Variants in CSMD1 observed in about 807,000 individuals in gnomAD.
The protein encoded by CSMD1 is CUB and sushi domain-containing protein 1.
Under a neutral mutation model 417.5 loss-of-function variants are expected in CSMD1, and 213 were observed. That is an observed-to-expected ratio of 0.51 (90% CI 0.46 to 0.57). CSMD1 has a LOEUF of 0.57. CSMD1 is among the 20% of genes least tolerant of loss of function. The pLI is 0.00. For missense variants in CSMD1, 6,923 were observed against 4,529.7 expected (o/e 1.53, Z -15.17); for synonymous variants, 2,862 against 1,736.8 (o/e 1.65, Z -16.11).
intron 21 of CSMD1, among the ~76,000 whole-genome samples, chr8:3,356,817 T>G (rs1170003888): frequency 6.6e-6 from 1 of 152,178 alleles, no homozygotes; most frequent in African/African-American, 2.4e-5. Context: ...GAGCACTGGG[T>G]GCACTCTGGA....
intron 65 of CSMD1, among the ~76,000 whole-genome samples, chr8:2,953,467 AAC>A (rs1259649646): frequency 6.6e-6 from 1 of 151,918 alleles, no homozygotes; most frequent in East Asian, 1.9e-4. Context: ...AAAAAAAAAA[AAC>A]AGTGTTAAAA....
chr8:4,130,572 C>G (rs1803037986), intron 3 of CSMD1, among the ~76,000 whole-genome samples: 1 of 152,028 alleles, frequency 6.6e-6, no homozygotes, highest in Admixed American at 6.6e-5. Context: ...TACCACTGAC[C>G]TTATGTTTTC....
chr8:3,678,122 G>C (rs555440707), intron 7 of CSMD1, among the ~76,000 whole-genome samples: 2 of 152,134 alleles, frequency 1.3e-5, no homozygotes, highest in Non-Finnish European at 2.9e-5. Context: ...CAGAAGACAG[G>C]TGATTTCTGC....
At chr8:3,310,382 C>G (rs1285153203) in intron 23 of CSMD1, among the ~76,000 whole-genome samples, 3 of 152,170 alleles carry the variant, frequency 2.0e-5, no homozygotes, top group Non-Finnish European at 4.4e-5. Context: ...CTGAACAAGT[C>G]TTTAGAAGGC....
intron 25 of CSMD1, among the ~76,000 whole-genome samples, chr8:3,288,228 C>T (rs1425063058): frequency 6.8e-6 from 1 of 147,266 alleles, no homozygotes; most frequent in Non-Finnish European, 1.5e-5. Context: ...AGGATTTTTG[C>T]ATCGATGTTC....
chr8:4,001,218 T>C (rs1440318618), intron 4 of CSMD1, among the ~76,000 whole-genome samples: 2 of 152,206 alleles, frequency 1.3e-5, no homozygotes, highest in East Asian at 1.9e-4. Flanking sequence ...CTTAACCGAT[T>C]CTTCTGGGAA....
chr8:2,952,292 A>G (rs596891), intron 65 of CSMD1, among the ~76,000 whole-genome samples: 118,152 of 152,072 alleles, frequency 0.78, 46,177 homozygotes, highest in Non-Finnish European at 0.79. Context: ...CCATTTTTTA[A>G]AAAGTCCATT....
chr8:3,215,282 A>G (rs1279188841), intron 29 of CSMD1, among the ~76,000 whole-genome samples: 1 of 152,218 alleles, frequency 6.6e-6, no homozygotes, highest in Admixed American at 6.5e-5. Flanking sequence ...AATAGAGTAA[A>G]CGTCAAACTT....
chr8:3,866,726 C>A (rs4515573), intron 5 of CSMD1, among the ~76,000 whole-genome samples: 12,190 of 152,224 alleles, frequency 0.08, 551 homozygotes, highest in South Asian at 0.15. Flanking sequence ...TTGGCCACTA[C>A]AAAGCCACAG....
intron 1 of CSMD1, among the ~76,000 whole-genome samples, chr8:4,961,050 A>C (rs894810208): frequency 6.6e-6 from 1 of 152,124 alleles, no homozygotes; most frequent in African/African-American, 2.4e-5. Context: ...TCACCCTACG[A>C]AATAGTCACT....
chr8:3,410,270 G>C (rs1812600897), intron 12 of CSMD1, among the ~76,000 whole-genome samples: 1 of 152,104 alleles, frequency 6.6e-6, no homozygotes, highest in African/African-American at 2.4e-5. Context: ...TCATTTAAAA[G>C]ACTATTTTTG....
At chr8:3,366,824 G>C (rs554052247) in intron 20 of CSMD1, among the ~76,000 whole-genome samples, 2 of 152,150 alleles carry the variant, frequency 1.3e-5, no homozygotes, top group African/African-American at 4.8e-5. Flanking sequence ...ACACAAAGTG[G>C]CATTTTCTGG....
intron 26 of CSMD1, among the ~76,000 whole-genome samples, chr8:3,255,384 T>G (rs1342064232): frequency 6.6e-6 from 1 of 152,148 alleles, no homozygotes; most frequent in East Asian, 1.9e-4. Context: ...GAACCACTAC[T>G]CTATGTAAAG....
rs929943955 is a variant in CSMD1, at chr8:3,098,810, G to A, written c.6950-1773C>T. Among the ~76,000 whole-genome samples the A allele has an allele frequency of 2.9e-4, 44 of 152,118 alleles. 1 individual carries two copies. The highest frequency in any genetic ancestry group is 1.0e-3 in the African/African-American group (42 of 41,426). Reference sequence around the variant, plus strand: ...CCTTGACTTTGCAATAACAACCAGGGCTTTCCTTGGCTCTGACGTGTAAGT... The same window carrying A: ...CCTTGACTTTGCAATAACAACCAGGACTTTCCTTGGCTCTGACGTGTAAGT... On this transcript the variant is annotated intron_variant, in intron 46 of 69. Transcript: ENST00000635120.
chr8:3,653,881 C>G (rs1022945869), intron 7 of CSMD1, among the ~76,000 whole-genome samples: 2 of 152,092 alleles, frequency 1.3e-5, no homozygotes, highest in Admixed American at 1.3e-4. Flanking sequence ...CTGTCTTAAT[C>G]CTGACAGCAT....
At chr8:3,733,101 G>C (rs886668381) in intron 6 of CSMD1, among the ~76,000 whole-genome samples, 6 of 151,378 alleles carry the variant, frequency 4.0e-5, no homozygotes, top group Non-Finnish European at 5.9e-5. Context: ...TTTACCAACA[G>C]AGGCTAAAGT....
At chr8:3,691,281 C>T (rs937645396) in intron 7 of CSMD1, among the ~76,000 whole-genome samples, 1 of 151,914 alleles carries the variant, frequency 6.6e-6, no homozygotes, top group African/African-American at 2.4e-5. Flanking sequence ...AGCAGGAGAT[C>T]ACTTGACCCT....
At chr8:4,569,206 G>A (rs1563295182) in intron 2 of CSMD1, among the ~76,000 whole-genome samples, 1 of 152,160 alleles carries the variant, frequency 6.6e-6, no homozygotes, top group South Asian at 2.1e-4. Context: ...TTTTAGTCAT[G>A]AAGTCTTTGC....
At chr8:3,800,118 C>T (rs75372132) in intron 5 of CSMD1, among the ~76,000 whole-genome samples, 2,268 of 152,072 alleles carry the variant, frequency 0.015, 47 homozygotes, top group East Asian at 0.037. Flanking sequence ...AAGTATATGG[C>T]GCTATTTATA....
Sources: gnomAD v4.1 joint callset for allele counts (sites outside exome capture counted in the v4.1 genomes callset) on GRCh38, gnomAD v4.1.1 for gene constraint, MANE v1.5 for transcripts, NCBI Gene and HGNC (gene_info 2026-07-23, HGNC 2026-07-21) for gene names.